Variants in GABRB1 observed in about 807,000 individuals in gnomAD.
GABRB1 encodes gamma-aminobutyric acid type A receptor subunit beta1.
Under a neutral mutation model 51.6 loss-of-function variants are expected in GABRB1, and 17 were observed. The ratio of observed to expected loss-of-function variants is 0.33; its 90% CI spans 0.23 to 0.49. The LOEUF is 0.49. Ranked by LOEUF, GABRB1 falls within the 20% of genes least tolerant of loss-of-function variation. The pLI is 0.99. For synonymous variants in GABRB1, 247 were observed against 218.9 expected (o/e 1.13, Z -1.14); for missense variants, 410 against 600.6 (o/e 0.68, Z 3.32).
intron 2 of GABRB1, 120 bp from the exon 3 acceptor site, chr4:47,032,297 G>C: frequency 1.1e-6 from 1 of 941,718 alleles, no homozygotes; most frequent in Non-Finnish European, 1.6e-6. Flanking sequence ...GAAAGGGGTG[G>C]TGGGGGGAGC....
chr4:47,029,561 A>G (rs73813118), upstream of GABRB1, among the ~76,000 whole-genome samples: 128 of 152,106 alleles, frequency 8.4e-4, 1 homozygote, highest in African/African-American at 2.9e-3. Context: ...ACATTTTAAC[A>G]TAGTTATCGC....
chr4:47,236,947 G>C (rs1721354124), intron 4 of GABRB1, among the ~76,000 whole-genome samples: 1 of 152,026 alleles, frequency 6.6e-6, no homozygotes, highest in Non-Finnish European at 1.5e-5. Flanking sequence ...AGAAATTTCA[G>C]AAAACAAAAC....
rs370916538 is a variant in GABRB1, at chr4:47,290,903, A to T, written c.462-29224A>T. ...GGAAGCAGAGCATAAAAGTTTAGAA[A>T]ATTTGCAGCCTGACAATGTGATGGA... On this transcript the variant is annotated intron_variant, in intron 4 of 8. Transcript: ENST00000295454. Among the ~76,000 whole-genome samples the T allele has an allele frequency of 5.3e-5, 8 of 152,254 alleles. No homozygotes were observed. In the South Asian group the frequency reaches 1.0e-3, roughly 20 times the overall value.
intron 3 of GABRB1, among the ~76,000 whole-genome samples, chr4:47,105,640 ATG>A (rs1475078596): frequency 6.6e-6 from 1 of 152,076 alleles, no homozygotes; most frequent in Non-Finnish European, 1.5e-5. Flanking sequence ...AACAGGCTTC[ATG>A]TCTCTTCCTC....
At chr4:47,192,104 C>G (rs1273170670) in intron 4 of GABRB1, among the ~76,000 whole-genome samples, 1 of 151,820 alleles carries the variant, frequency 6.6e-6, no homozygotes, top group African/African-American at 2.4e-5. Context: ...AACAAAAAAC[C>G]CTCAAGCCTT....
chr4:47,074,979 T>C (rs1019995549), intron 3 of GABRB1, among the ~76,000 whole-genome samples: 2 of 152,166 alleles, frequency 1.3e-5, no homozygotes, highest in African/African-American at 2.4e-5. Context: ...TGCCAAGGTA[T>C]GATGAGGAAG....
chr4:47,273,928 C>T (rs1418181743), intron 4 of GABRB1, among the ~76,000 whole-genome samples: 2 of 151,012 alleles, frequency 1.3e-5, no homozygotes, highest in Non-Finnish European at 3.0e-5. Context: ...TTCTCTCTTC[C>T]TATGTGTGTA....
intron 3 of GABRB1, among the ~76,000 whole-genome samples, chr4:47,123,417 T>TATTATAATATATTATTTTATATATTATA (rs1435069650): frequency 9.1e-5 from 10 of 109,910 alleles, no homozygotes; most frequent in African/African-American, 3.5e-4. Context: ...TATATACACA[T>TATTATAATATATTATTTTATATATTATA]ATATATTATA....
chr4:47,012,925 G>A (rs1724623424), intron 1 of GABRB1, among the ~76,000 whole-genome samples: 1 of 152,228 alleles, frequency 6.6e-6, no homozygotes, highest in Admixed American at 6.5e-5. Context: ...GCCTGTGGAT[G>A]TTGGTATTCC....
intron 4 of GABRB1, among the ~76,000 whole-genome samples, chr4:47,227,226 T>C (rs1720975056): frequency 6.6e-6 from 1 of 152,200 alleles, no homozygotes; most frequent in Non-Finnish European, 1.5e-5. Context: ...TTCATTCATT[T>C]TTTCGTGCAA....
intron 5 of GABRB1, among the ~76,000 whole-genome samples, chr4:47,346,138 G>A (rs2109992527): frequency 6.6e-6 from 1 of 152,252 alleles, no homozygotes; most frequent in East Asian, 1.9e-4. Context: ...AAGCCAAGCT[G>A]TTGGAGAAAC....
intron 3 of GABRB1, among the ~76,000 whole-genome samples, chr4:47,146,927 C>T (rs1355895834): frequency 3.3e-5 from 5 of 152,018 alleles, no homozygotes; most frequent in Admixed American, 6.6e-5. Context: ...GTTAGTGTGA[C>T]TATTCAGTTT....
At chr4:47,230,830 C>T (rs1326191553) in intron 4 of GABRB1, among the ~76,000 whole-genome samples, 1 of 152,102 alleles carries the variant, frequency 6.6e-6, no homozygotes, top group Non-Finnish European at 1.5e-5. Flanking sequence ...TGATAAGACC[C>T]TCAAATAGGT....
chr4:47,182,201 G>T (rs549083044), intron 4 of GABRB1, among the ~76,000 whole-genome samples: 2 of 151,934 alleles, frequency 1.3e-5, no homozygotes, highest in Non-Finnish European at 2.9e-5. Context: ...CATTTCCTGG[G>T]ATCGCTCAGA....
At chr4:47,275,315 A>G (rs1393498373) in intron 4 of GABRB1, among the ~76,000 whole-genome samples, 1 of 152,044 alleles carries the variant, frequency 6.6e-6, no homozygotes, top group Non-Finnish European at 1.5e-5. Flanking sequence ...CAGGGAGGAG[A>G]GGAAGGGTTA....
intron 5 of GABRB1, among the ~76,000 whole-genome samples, chr4:47,369,916 A>AT (rs1270263573): frequency 6.6e-6 from 1 of 152,132 alleles, no homozygotes; most frequent in East Asian, 1.9e-4. Context: ...CTATTTTATT[A>AT]TTTTTATCTT....
chr4:47,283,828 T>C lies in GABRB1; in HGVS notation c.462-36299T>C, dbSNP rs747580224. ...AGAACCTGAATAAGGTCGATGACCA[T>C]GAATTTGTGGTGAAACTCTCTTAGA... is the stretch of plus-strand genomic sequence containing the variant. On this transcript the variant is annotated intron_variant, in intron 4 of 8. Transcript: ENST00000295454. Among the ~76,000 whole-genome samples the C allele has an allele frequency of 4.6e-5, 7 of 152,130 alleles. No individual in the cohort carries two copies. The East Asian group carries it at 5.8e-4, about 13-fold the overall frequency.
Position 47,175,701 on chromosome 4 carries a change from A to C in GABRB1, c.461+14232A>C, listed in dbSNP as rs369472677. 1.1e-4 allele frequency among the ~76,000 whole-genome samples: 16 copies of C among 152,300 alleles called. No homozygotes were observed. The East Asian group carries it at 1.2e-3, about 11-fold the overall frequency. ...TATAAAGTGCATTGAGATATGAGAA[A>C]TATGTGTGCAGTATTATGGATAATA... is the stretch of plus-strand genomic sequence containing the variant. On this transcript the variant is annotated intron_variant, in intron 4 of 8. Coordinates refer to ENST00000295454, the MANE Select transcript of GABRB1 (RefSeq NM_000812.4).
chr4:47,081,289 T>C (rs564149382), intron 3 of GABRB1, among the ~76,000 whole-genome samples: 2 of 152,276 alleles, frequency 1.3e-5, no homozygotes, highest in South Asian at 4.1e-4. Context: ...GTCTTCATGT[T>C]TGATATTTAA....
Sources: gnomAD v4.1 joint callset for allele counts (sites outside exome capture counted in the v4.1 genomes callset) on GRCh38, gnomAD v4.1.1 for gene constraint, MANE v1.5 for transcripts, NCBI Gene and HGNC (gene_info 2026-07-23, HGNC 2026-07-21) for gene names.